The following PLXDC2 variants were observed in gnomAD, a reference collection of about 807,000 sequenced individuals.
PLXDC2 encodes the protein plexin domain containing 2.
A neutral mutation model predicts 68.9 loss-of-function variants in PLXDC2; 40 were observed. That is an observed-to-expected ratio of 0.58 (90% CI 0.45 to 0.76). PLXDC2 has a LOEUF of 0.76. PLXDC2 is among the 30% of genes least tolerant of loss of function. The pLI is 0.00. For synonymous variants in PLXDC2, 243 were observed against 234.2 expected (o/e 1.04, Z -0.34); for missense variants, 644 against 661.9 (o/e 0.97, Z 0.30).
chr10:20,145,835 G>GT (rs1746188398), intron 5 of PLXDC2, among the ~76,000 whole-genome samples: 1 of 152,084 alleles, frequency 6.6e-6, no homozygotes, highest in South Asian at 2.1e-4. Context: ...TTACAGTTGT[G>GT]AGCCACCGCA....
At chr10:20,266,881 A>G (rs1424545881) in intron 13 of PLXDC2, among the ~76,000 whole-genome samples, 1 of 152,198 alleles carries the variant, frequency 6.6e-6, no homozygotes, top group Non-Finnish European at 1.5e-5. Flanking sequence ...TTTGCTGAAT[A>G]AATGCGTTAT....
intron 7 of PLXDC2, among the ~76,000 whole-genome samples, chr10:20,176,594 G>C (rs935390810): frequency 2.6e-5 from 4 of 152,016 alleles, no homozygotes; most frequent in Non-Finnish European, 4.4e-5. Flanking sequence ...ACTTTATTTA[G>C]AGTGTGAAAC....
At chr10:19,885,937 C>T (rs1369854983) in intron 1 of PLXDC2, among the ~76,000 whole-genome samples, 1 of 151,990 alleles carries the variant, frequency 6.6e-6, no homozygotes, top group Admixed American at 6.6e-5. Context: ...CTATAAATTA[C>T]CTTGGGCAGT....
At chr10:20,075,906 A>G (rs1367058109) in intron 4 of PLXDC2, among the ~76,000 whole-genome samples, 3 of 152,152 alleles carry the variant, frequency 2.0e-5, no homozygotes, top group Non-Finnish European at 4.4e-5. Flanking sequence ...TGCTAGTGCT[A>G]GAATACTCCC....
At chr10:19,901,758 A>G (rs528265544) in intron 1 of PLXDC2, among the ~76,000 whole-genome samples, 1 of 152,226 alleles carries the variant, frequency 6.6e-6, no homozygotes, top group East Asian at 1.9e-4. Flanking sequence ...GCCTAAGCCA[A>G]TGTCTGAAGG....
chr10:20,182,103 A>ATGTGTGTGTGTG (rs1834614026), intron 9 of PLXDC2, among the ~76,000 whole-genome samples: 1 of 100,418 alleles, frequency 1.0e-5, no homozygotes, highest in African/African-American at 5.4e-5. Flanking sequence ...GTGTGTGTGA[A>ATGTGTGTGTGTG]TGAAGTTTAT....
chr10:20,126,279 A>T (rs1209337498), intron 4 of PLXDC2, among the ~76,000 whole-genome samples: 1 of 146,996 alleles, frequency 6.8e-6, no homozygotes, highest in Non-Finnish European at 1.5e-5. Context: ...ACATATATAC[A>T]TATACGTTAT....
intron 4 of PLXDC2, among the ~76,000 whole-genome samples, chr10:20,098,357 A>ATGTGTGTGTGTGTG (rs35209594): frequency 0.011 from 1,544 of 145,442 alleles, 12 homozygotes; most frequent in South Asian, 0.013. Flanking sequence ...GTGTGTGTGT[A>ATGTGTGTGTGTGTG]TGTGTGTGTG....
intron 9 of PLXDC2, 64 bp from the exon 10 acceptor site, chr10:20,211,605 T>C: frequency 1.4e-6 from 2 of 1,467,698 alleles, no homozygotes; most frequent in Non-Finnish European, 9.4e-7. Context: ...TTACTTTTAA[T>C]TTCTGTCCAC....
intron 13 of PLXDC2, among the ~76,000 whole-genome samples, chr10:20,264,382 G>A (rs1185889391): frequency 6.6e-6 from 1 of 152,116 alleles, no homozygotes; most frequent in Non-Finnish European, 1.5e-5. Context: ...ATGCCTGGTG[G>A]ATGTAATAAT....
chr10:19,943,730 T>C (rs746634522), intron 1 of PLXDC2, among the ~76,000 whole-genome samples: 10 of 152,284 alleles, frequency 6.6e-5, no homozygotes, highest in African/African-American at 1.2e-4. Flanking sequence ...AACAGCCTTC[T>C]AAAGAAATAC....
intron 2 of PLXDC2, among the ~76,000 whole-genome samples, chr10:20,006,310 C>T (rs1767481929): frequency 2.6e-5 from 4 of 152,186 alleles, no homozygotes; most frequent in Admixed American, 2.6e-4. Context: ...CTGTGCCTGG[C>T]ATTGTTACAA....
At chr10:20,031,979 C>G (rs1486071812) in intron 2 of PLXDC2, among the ~76,000 whole-genome samples, 4 of 152,006 alleles carry the variant, frequency 2.6e-5, no homozygotes, top group African/African-American at 9.7e-5. Flanking sequence ...GCTACCACGT[C>G]CAGCTAATTT....
chr10:19,819,668 T>C (rs1387486732), intron 1 of PLXDC2, among the ~76,000 whole-genome samples: 1 of 152,258 alleles, frequency 6.6e-6, no homozygotes, highest in Non-Finnish European at 1.5e-5. Flanking sequence ...TCCTCTATTA[T>C]TCCCTTTTCT....
chr10:20,052,323 C>T (rs1465631574), intron 3 of PLXDC2, among the ~76,000 whole-genome samples: 2 of 151,972 alleles, frequency 1.3e-5, no homozygotes, highest in African/African-American at 4.8e-5. Context: ...GACTTTCTAC[C>T]TTTCCAATCC....
At chr10:20,264,192 T>C (rs1835843241) in intron 13 of PLXDC2, among the ~76,000 whole-genome samples, 1 of 152,206 alleles carries the variant, frequency 6.6e-6, no homozygotes, top group Non-Finnish European at 1.5e-5. Flanking sequence ...GAGGCTATCA[T>C]CCTTAGCAAA....
intron 1 of PLXDC2, among the ~76,000 whole-genome samples, chr10:19,898,527 A>T (rs1169688460): frequency 6.6e-6 from 1 of 152,216 alleles, no homozygotes; most frequent in African/African-American, 2.4e-5. Context: ...ACTAATTTTC[A>T]TCTAGTCTGG....
At chr10:20,017,122 A>T (rs993884000) in intron 2 of PLXDC2, among the ~76,000 whole-genome samples, 1 of 152,228 alleles carries the variant, frequency 6.6e-6, no homozygotes, top group African/African-American at 2.4e-5. Context: ...GAGAAACGAG[A>T]AGCACCTTAC....
At chr10:20,180,222 G>A (rs76602565) in intron 9 of PLXDC2, among the ~76,000 whole-genome samples, 3 of 151,916 alleles carry the variant, frequency 2.0e-5, no homozygotes, top group Non-Finnish European at 4.4e-5. Context: ...ATCAAAGAAC[G>A]CTACTAAAAA....
Sources: allele counts gnomAD v4.1 joint callset (sites outside exome capture counted in the v4.1 genomes callset), GRCh38; gene constraint gnomAD v4.1.1; transcripts MANE v1.5; gene names NCBI Gene and HGNC (gene_info 2026-07-23, HGNC 2026-07-21).